The following MYLK4 variants were observed in gnomAD, a reference collection of about 807,000 sequenced individuals.
MYLK4 encodes the protein caMLCK like.
In MYLK4, 46 loss-of-function variants were observed where a neutral mutation model predicts 48.1. The ratio of observed to expected loss-of-function variants is 0.96; its 90% CI spans 0.75 to 1.22. The LOEUF (loss-of-function observed/expected upper bound fraction) is 1.22, where lower values mean the gene tolerates loss of function less well. Ranked by LOEUF, MYLK4 falls within the 50% of genes most tolerant of loss-of-function variation. The pLI is 0.00. For synonymous variants in MYLK4, 170 were observed against 180.8 expected, an observed-to-expected ratio of 0.94 and a Z score of 0.48; for missense variants, 451 against 486.1, an observed-to-expected ratio of 0.93 and a Z score of 0.68.
intron 3 of MYLK4, 85 bp from the exon 4 acceptor site, chr6:2,689,041 G>A (rs1582047734): frequency 1.0e-6 from 1 of 1,003,234 alleles, no homozygotes; most frequent in South Asian, 1.3e-5. Flanking sequence ...TAGTAAAAAT[G>A]TGCTCATTTA....
intron 2 of MYLK4, among the ~76,000 whole-genome samples, chr6:2,745,334 C>T (rs1764047496): frequency 6.6e-6 from 1 of 152,074 alleles, no homozygotes; most frequent in Non-Finnish European, 1.5e-5. Context: ...TTCAACTGTA[C>T]AAAAATAATA....
intron 2 of MYLK4, among the ~76,000 whole-genome samples, chr6:2,727,679 T>C (rs1763324650): frequency 6.6e-6 from 1 of 152,160 alleles, no homozygotes; most frequent in South Asian, 2.1e-4. Flanking sequence ...ATAATAGCTA[T>C]CATTCACGCC....
chr6:2,745,352 T>C (rs529631959), intron 2 of MYLK4, among the ~76,000 whole-genome samples: 3 of 152,344 alleles, frequency 2.0e-5, no homozygotes, highest in East Asian at 1.9e-4. Context: ...ATACTAATTA[T>C]AGTTATGAAA....
intron 2 of MYLK4, among the ~76,000 whole-genome samples, chr6:2,696,333 T>A (rs1762057723): frequency 6.6e-6 from 1 of 152,090 alleles, no homozygotes; most frequent in African/African-American, 2.4e-5. Flanking sequence ...ATTGAATGTA[T>A]CCCCCCCGAC....
intron 2 of MYLK4, among the ~76,000 whole-genome samples, chr6:2,737,648 C>A (rs753028344): frequency 2.0e-5 from 3 of 151,972 alleles, no homozygotes; most frequent in African/African-American, 7.3e-5. Flanking sequence ...TCCATAGCTC[C>A]AGGCAATGTG....
In MYLK4 at chr6:2,665,884, G is replaced by C. The variant is rs981401338; in HGVS notation, c.*2041C>G. The stretch of plus-strand genomic sequence containing the variant: ...AATATCATCAGCTAAAGATAGCATA[G>C]TAATATAACACTCCAGTCACAGGGT... On this transcript the variant is annotated 3_prime_UTR_variant, in exon 13 of 13. Coordinates refer to ENST00000274643, the MANE Select transcript of MYLK4 (RefSeq NM_001012418.5). The C allele has an allele frequency of 6.6e-6, 1 of 152,024 alleles. No homozygotes were observed. The allele number at this position is 152,024 out of a possible 1,614,324, so 9.4% of individuals were successfully genotyped here. A position where few individuals can be genotyped will look rare whatever the true frequency, so the allele number is the denominator to read the frequency against.
rs763242236 is a variant in MYLK4 at position 2,683,034 on chromosome 6, T to G, written c.674A>C (p.His225Pro). 6.8e-6 allele frequency: 11 copies of G among 1,614,184 alleles called. No individual in the cohort carries two copies. Among genetic ancestry groups the G allele is most frequent in the Non-Finnish European group, 9.3e-6 (11 of 1,180,032 alleles). Residue 225 changes from histidine to proline, a missense_variant, in exon 7 of 13, where the codon CAC becomes CCC. By Grantham distance (77) the His-to-Pro change is moderately conservative (BLOSUM62 -2). Coordinates refer to ENST00000274643, the MANE Select transcript of MYLK4 (RefSeq NM_001012418.5). ...IRHMHQMYILHLDLKPENILC... is the reference protein window; with the variant it reads ...IRHMHQMYILPLDLKPENILC... Reference sequence around the variant, plus strand: ...AAACACCCTTACCTTCAGGTCCAAGTGGAGAATGTACATCTGATGCATGTG... The same window carrying G: ...AAACACCCTTACCTTCAGGTCCAAGGGGAGAATGTACATCTGATGCATGTG...
chr6:2,768,463 C>T, the MYLK4 span, among the ~76,000 whole-genome samples: 1 of 152,314 alleles, frequency 6.6e-6, no homozygotes, highest in East Asian at 1.9e-4. Context: ...GAGAAAAGGT[C>T]AGGATTAGCC....
At chr6:2,755,529 A>T (rs1252974238), upstream of MYLK4, among the ~76,000 whole-genome samples, 3 of 152,158 alleles carry the variant, frequency 2.0e-5, no homozygotes, top group African/African-American at 2.4e-5. Flanking sequence ...GGAAATGGTC[A>T]TTCCGTTTAT....
intron 2 of MYLK4, among the ~76,000 whole-genome samples, chr6:2,741,255 C>T (rs1763891070): frequency 6.6e-6 from 1 of 152,026 alleles, no homozygotes; most frequent in Non-Finnish European, 1.5e-5. Context: ...GTAGTTTGGG[C>T]ATCTATATTT....
intron 1 of MYLK4, among the ~76,000 whole-genome samples, chr6:2,750,255 C>T (rs1367829886): frequency 6.6e-6 from 1 of 152,176 alleles, no homozygotes; most frequent in Non-Finnish European, 1.5e-5. Flanking sequence ...CATCAGAAAA[C>T]TTAATATTTT....
At position 2,742,302 on chromosome 6, in the gene MYLK4, C is replaced by T. The variant is rs372834605; in HGVS notation, c.159+6834G>A. ...CCGACTTCTGAACACCAACAAGATGCCGAGTTGGTGGCTTCTTGTTGAATA... is the reference window on the plus strand; with the variant it reads ...CCGACTTCTGAACACCAACAAGATGTCGAGTTGGTGGCTTCTTGTTGAATA... On this transcript the variant is annotated intron_variant, in intron 2 of 12. Transcript: ENST00000274643. 4.0e-4 allele frequency among the ~76,000 whole-genome samples: 61 copies of T among 152,304 alleles called. No individual in the cohort carries two copies. In the East Asian group the frequency reaches 0.01, roughly 26 times the overall value.
At position 2,675,032 on chromosome 6, in the gene MYLK4, A is replaced by G; in HGVS notation, c.1119+15T>C. 1 of 1,601,148 alleles carries G rather than the reference A, an allele frequency of 6.2e-7. No individual in the cohort carries two copies. On this transcript the variant is annotated intron_variant, in intron 11 of 12. Transcript: ENST00000274643. The stretch of plus-strand genomic sequence containing the variant: ...AGACAGGAGAAAAAGAGGAAGAGCA[A>G]GAAGCCGTGGTCACCTGGGCATTGA...
At chr6:2,720,265 G>A (rs1006359327) in intron 2 of MYLK4, among the ~76,000 whole-genome samples, 3 of 152,024 alleles carry the variant, frequency 2.0e-5, no homozygotes, top group East Asian at 1.9e-4. Context: ...TTAGCCGGGC[G>A]TGATGGCTGG....
chr6:2,722,184 A>G (rs1763094071), intron 2 of MYLK4, among the ~76,000 whole-genome samples: 1 of 152,234 alleles, frequency 6.6e-6, no homozygotes, highest in Non-Finnish European at 1.5e-5. Flanking sequence ...CTCTTGGAGA[A>G]ATTTCTTCAA....
intron 9 of MYLK4, 52 bp downstream of exon 9, chr6:2,679,228 G>A (rs1761202890): frequency 6.2e-7 from 1 of 1,607,036 alleles, no homozygotes; most frequent in Non-Finnish European, 8.5e-7. Flanking sequence ...CAAAACCTCA[G>A]AAAATATGCA....
At chr6:2,749,610 C>T (rs1248060749) in intron 1 of MYLK4, among the ~76,000 whole-genome samples, 3 of 152,154 alleles carry the variant, frequency 2.0e-5, no homozygotes, top group Admixed American at 1.3e-4. Context: ...TTTAAAACTA[C>T]AAAAGCAAAC....
intron 2 of MYLK4, among the ~76,000 whole-genome samples, chr6:2,731,443 G>A (rs1190377500): frequency 2.6e-5 from 4 of 152,168 alleles, no homozygotes; most frequent in Non-Finnish European, 4.4e-5. Flanking sequence ...CTGCCTGGCC[G>A]CATTCCTTCA....
chr6:2,671,279 C>T lies in MYLK4; in HGVS notation c.*22G>A, dbSNP rs375622937. On this transcript the variant is annotated 3_prime_UTR_variant, in exon 12 of 13. Transcript: ENST00000274643. ...CTTCAGGAGACCCAAGACTAACCTT[C>T]CAAATGGCTGCCTCCTGTAGACTAT... The T allele has an allele frequency of 2.2e-5, 36 of 1,612,492 alleles. No individual in the cohort carries two copies. The highest frequency in any genetic ancestry group is 2.7e-5 in the Non-Finnish European group (32 of 1,178,808).
Sources: allele counts gnomAD v4.1 joint callset (sites outside exome capture counted in the v4.1 genomes callset), GRCh38; gene constraint gnomAD v4.1.1; transcripts MANE v1.5; gene names NCBI Gene and HGNC (gene_info 2026-07-23, HGNC 2026-07-21).